The following NCOA2 variants were observed in gnomAD, a reference collection of about 807,000 sequenced individuals.
NCOA2 encodes the protein class E basic helix-loop-helix protein 75.
A neutral mutation model predicts 145.1 loss-of-function variants in NCOA2; 21 were observed. That is an observed-to-expected ratio of 0.14 (90% CI 0.10 to 0.21). The LOEUF is 0.21. Among genes scored for constraint, NCOA2 ranks in the 10% least tolerant of loss-of-function variants. The pLI, the probability that NCOA2 is intolerant of heterozygous loss-of-function variation, is 1.00. For missense variants in NCOA2, 1,472 were observed against 1,837.6 expected, an observed-to-expected ratio of 0.80 and a Z score of 3.64; for synonymous variants, 619 against 637.5, an observed-to-expected ratio of 0.97 and a Z score of 0.44.
chr8:70,428,620 C>CTAAAAA, the NCOA2 span, among the ~76,000 whole-genome samples: 2 of 151,950 alleles, frequency 1.3e-5, no homozygotes, highest in South Asian at 2.1e-4. Flanking sequence ...GAGACCATAT[C>CTAAAAA]TAAAAATAAA....
In NCOA2 at chr8:70,144,651, T is replaced by G; in HGVS notation, c.2803A>C (p.Ser935Arg). The G allele has an allele frequency of 1.2e-6, 2 of 1,613,756 alleles. No homozygotes were observed. The highest frequency in any genetic ancestry group is 8.5e-7 in the Non-Finnish European group (1 of 1,179,626). The stretch of plus-strand genomic sequence containing the variant: ...GCATTTGACCCCTTACCTGTGCTAC[T>G]GTTCCCTAAATTTCCTTGGTTTCCT... ...MIGNQGNLGN[S>R]STGMIGNSAS... Residue 935 changes from serine (S) to arginine (R), a missense_variant, in exon 13 of 23, where the codon AGT (serine) becomes CGT (arginine). By Grantham distance (110) the Ser-to-Arg change is moderately radical. Around this residue, in one of 4 missense-constraint regions of NCOA2, gnomAD observed 953 missense variants for 1,062.1 expected, o/e 0.90. Coordinates refer to ENST00000452400, the MANE Select transcript of NCOA2 (RefSeq NM_006540.4).
At chr8:70,387,734 T>G (rs1277338184) in intron 1 of NCOA2, among the ~76,000 whole-genome samples, 1 of 152,114 alleles carries the variant, frequency 6.6e-6, no homozygotes, top group African/African-American at 2.4e-5. Flanking sequence ...AGCTTGGGAC[T>G]AAGGGCATAT....
At chr8:70,448,420 A>C in the NCOA2 span, among the ~76,000 whole-genome samples, 1 of 152,174 alleles carries the variant, frequency 6.6e-6, no homozygotes, top group South Asian at 2.1e-4. Flanking sequence ...AGAGTGAACA[A>C]AGAGAAGTCA....
chr8:70,301,673 A>AG (rs1827510285), intron 1 of NCOA2, among the ~76,000 whole-genome samples: 1 of 145,880 alleles, frequency 6.9e-6, no homozygotes, highest in African/African-American at 2.5e-5. Context: ...AAAAAAAAAA[A>AG]AAAAAAAGAA....
the NCOA2 span, among the ~76,000 whole-genome samples, chr8:70,451,135 G>A: frequency 6.9e-6 from 1 of 144,362 alleles, no homozygotes; most frequent in South Asian, 2.2e-4. Context: ...GGAGAATGGT[G>A]TGAACCCGGG....
intron 1 of NCOA2, among the ~76,000 whole-genome samples, chr8:70,298,410 C>T (rs1827239399): frequency 6.6e-6 from 1 of 152,000 alleles, no homozygotes; most frequent in South Asian, 2.1e-4. Context: ...TCATGAAAAA[C>T]AAACAAAAAG....
chr8:70,295,429 G>A lies in NCOA2; in HGVS notation c.-20+1315C>T, dbSNP rs377262477. 5.3e-5 allele frequency among the ~76,000 whole-genome samples: 8 copies of A among 152,238 alleles called. No homozygotes were observed. The East Asian group carries it at 9.6e-4, about 18-fold the overall frequency. On this transcript the variant is annotated intron_variant, in intron 2 of 22. Transcript: ENST00000452400. Reference sequence around the variant, plus strand: ...TGTTAATATGATCCAGTATGGAGACGAGAAGCTGCCACACTTCCTTCAGGT... The same window carrying A: ...TGTTAATATGATCCAGTATGGAGACAAGAAGCTGCCACACTTCCTTCAGGT...
At chr8:70,212,231 C>T (rs1291540113) in intron 4 of NCOA2, among the ~76,000 whole-genome samples, 1 of 152,062 alleles carries the variant, frequency 6.6e-6, no homozygotes, top group Non-Finnish European at 1.5e-5. Flanking sequence ...ACTAGAAACA[C>T]AGCAACTTCA....
rs138706130 is a variant in NCOA2, at chr8:70,227,887, G to A, written c.-19-11123C>T. On this transcript the variant is annotated intron_variant, in intron 2 of 22. Coordinates refer to ENST00000452400, the MANE Select transcript of NCOA2 (RefSeq NM_006540.4). ...AAAAATTAGCCGGGCATGATTGCAC[G>A]CACTTGTAATCCTAGCTACTTGGGA... Among the ~76,000 whole-genome samples, 466 of 151,256 alleles carry A rather than the reference G, an allele frequency of 3.1e-3. 6 individuals are homozygous for A. Among genetic ancestry groups the A allele is most frequent in the Admixed American group, 0.022 (332 of 15,142 alleles).
intron 2 of NCOA2, among the ~76,000 whole-genome samples, chr8:70,292,139 GTT>G (rs1826742551): frequency 1.3e-5 from 2 of 151,104 alleles, no homozygotes; most frequent in Non-Finnish European, 3.0e-5. Flanking sequence ...CCTGTTTTTT[GTT>G]TGTTTGTTTT....
intron 1 of NCOA2, among the ~76,000 whole-genome samples, chr8:70,324,512 T>C (rs1049090761): frequency 3.3e-5 from 5 of 152,066 alleles, no homozygotes; most frequent in African/African-American, 4.8e-5. Flanking sequence ...TAATTTTTAA[T>C]TTATTTTCTG....
intron 2 of NCOA2, among the ~76,000 whole-genome samples, chr8:70,282,955 T>C (rs984991985): frequency 2.6e-5 from 4 of 152,206 alleles, no homozygotes; most frequent in African/African-American, 7.2e-5. Context: ...AATGAGTGTG[T>C]CTGTTCACAA....
the NCOA2 span, among the ~76,000 whole-genome samples, chr8:70,434,734 AT>A: frequency 1.3e-5 from 2 of 151,892 alleles, no homozygotes; most frequent in Admixed American, 1.3e-4. Flanking sequence ...TGCCCAGATA[AT>A]TTTTTTAAAA....
chr8:70,349,753 C>T (rs1449227626), intron 1 of NCOA2, among the ~76,000 whole-genome samples: 1 of 152,014 alleles, frequency 6.6e-6, no homozygotes, highest in Non-Finnish European at 1.5e-5. Context: ...CTTTACTATT[C>T]TATTATGTAT....
intron 2 of NCOA2, among the ~76,000 whole-genome samples, chr8:70,269,003 T>A (rs148428401): frequency 9.4e-4 from 143 of 152,252 alleles, no homozygotes; most frequent in African/African-American, 3.1e-3. Context: ...AGAAAGTGGT[T>A]ACTAGAAAAA....
At chr8:70,326,453 G>GCA (rs142047406) in intron 1 of NCOA2, among the ~76,000 whole-genome samples, 15,853 of 143,760 alleles carry the variant, frequency 0.11, 1,207 homozygotes, top group East Asian at 0.41. Context: ...ACACACACGT[G>GCA]CACACACACA....
chr8:70,152,170 T>C (rs1811821716), intron 11 of NCOA2, among the ~76,000 whole-genome samples: 1 of 152,240 alleles, frequency 6.6e-6, no homozygotes. Context: ...TTTAAACTAT[T>C]TCAGGCAGAA....
the NCOA2 span, among the ~76,000 whole-genome samples, chr8:70,409,582 A>C: frequency 6.6e-6 from 1 of 152,218 alleles, no homozygotes; most frequent in South Asian, 2.1e-4. Flanking sequence ...CAAACTATAA[A>C]GCTCCTAGAA....
chr8:70,113,641 T>C lies in NCOA2; in HGVS notation c.4386A>G (p.Lys1462=), dbSNP rs765559315. ...MIKQEGDTTR[K]YC ...ACTGGCTTCAGCAGTGTCAGCAATA[T>C]TTCTGTAGGAAAACAGATAAAAAGT... Residue 1462 remains lysine (K), a splice_region_variant and synonymous_variant, in exon 23 of 23, where the codon AAA becomes AAG. Transcript: ENST00000452400. The C allele has an allele frequency of 2.6e-6, 4 of 1,551,890 alleles. No homozygotes were observed. Among genetic ancestry groups the C allele is most frequent in the Non-Finnish European group, 3.5e-6 (4 of 1,147,068 alleles).
Sources: allele counts gnomAD v4.1 joint callset (sites outside exome capture counted in the v4.1 genomes callset), GRCh38; gene constraint gnomAD v4.1.1; regional missense constraint gnomAD v4.1.1; transcripts MANE v1.5; gene names NCBI Gene and HGNC (gene_info 2026-07-23, HGNC 2026-07-21).